Variants in ENPEP observed in about 807,000 individuals in gnomAD.
The protein encoded by ENPEP is AP-A.
ENPEP carries 103 observed loss-of-function variants against 114.5 expected under a neutral mutation model. That is an observed-to-expected ratio of 0.90 (90% CI 0.77 to 1.06). The LOEUF (loss-of-function observed/expected upper bound fraction) is 1.06. Among genes scored for constraint, ENPEP ranks in the 50% least tolerant of loss-of-function variants. ENPEP has a pLI of 0.00. For synonymous variants in ENPEP, 420 were observed against 422.0 expected (o/e 1.00, Z 0.06); for missense variants, 1,196 against 1,161.3 (o/e 1.03, Z -0.43).
intron 8 of ENPEP, among the ~76,000 whole-genome samples, chr4:110,517,760 C>G (rs1023082434): frequency 2.0e-5 from 3 of 152,158 alleles, no homozygotes; most frequent in African/African-American, 7.2e-5. Flanking sequence ...CATTATAGTG[C>G]TATGGAATGA....
At chr4:110,558,874 T>C (rs898304756) in intron 18 of ENPEP, among the ~76,000 whole-genome samples, 20 of 152,198 alleles carry the variant, frequency 1.3e-4, no homozygotes, top group African/African-American at 4.8e-4. Flanking sequence ...TTTCTCTGCT[T>C]AGGCAGACTG....
chr4:110,552,885 G>A (rs1240859346), intron 17 of ENPEP, among the ~76,000 whole-genome samples: 1 of 152,026 alleles, frequency 6.6e-6, no homozygotes, highest in Non-Finnish European at 1.5e-5. Context: ...TAGAATATAA[G>A]AGCATAGATA....
chr4:110,529,547 T>C (rs1726323455), intron 10 of ENPEP, among the ~76,000 whole-genome samples: 1 of 152,156 alleles, frequency 6.6e-6, no homozygotes, highest in Non-Finnish European at 1.5e-5. Context: ...GACTTAGTCC[T>C]GCAGGAAAGT....
intron 13 of ENPEP, among the ~76,000 whole-genome samples, chr4:110,546,516 C>G (rs901209848): frequency 6.6e-6 from 1 of 151,882 alleles, no homozygotes; most frequent in Non-Finnish European, 1.5e-5. Flanking sequence ...GCAAAGAGAA[C>G]AGCTGAAAGG....
chr4:110,561,728 T>G lies in ENPEP; in HGVS notation c.*170T>G. ...CCTTTAAATTGTTCCTCTTTGTTTA[T>G]GAAGAAAGATACTAATAGAGTACTT... On this transcript the variant is annotated 3_prime_UTR_variant, in exon 20 of 20. Coordinates refer to ENST00000265162, the MANE Select transcript of ENPEP (RefSeq NM_001977.4). The G allele has an allele frequency of 1.6e-6, 1 of 611,916 alleles. No homozygotes were observed. Among genetic ancestry groups the G allele is most frequent in the East Asian group, 2.9e-5 (1 of 34,228 alleles). The allele number at this position is 611,916 out of a possible 1,614,324, so 37.9% of individuals were successfully genotyped here.
chr4:110,543,109 TG>T, intron 13 of ENPEP, 39 bp downstream of exon 13: 1 of 1,557,492 alleles, frequency 6.4e-7, no homozygotes, highest in South Asian at 1.1e-5. Context: ...TAAAATACTG[TG>T]GGTTTTCTCA....
chr4:110,521,642 G>A (rs1439463252), intron 10 of ENPEP, among the ~76,000 whole-genome samples: 1 of 151,988 alleles, frequency 6.6e-6, no homozygotes, highest in African/African-American at 2.4e-5. Flanking sequence ...TGCATTCAGA[G>A]ATGAAGAACT....
At chr4:110,494,249 A>T (rs532432528) in intron 3 of ENPEP, among the ~76,000 whole-genome samples, 23 of 152,134 alleles carry the variant, frequency 1.5e-4, no homozygotes, top group Non-Finnish European at 3.4e-4. Context: ...TCCGATCCTT[A>T]TGTCTTGTTC....
intron 6 of ENPEP, 67 bp from the exon 7 acceptor site, chr4:110,513,348 G>T: frequency 6.7e-7 from 1 of 1,491,030 alleles, no homozygotes; most frequent in Middle Eastern, 1.8e-4. Context: ...TCTTATATAT[G>T]GTATTTTAGT....
intron 18 of ENPEP, among the ~76,000 whole-genome samples, chr4:110,556,088 C>A (rs1222135179): frequency 3.3e-5 from 5 of 151,988 alleles, no homozygotes. Flanking sequence ...TAGAAGGTCA[C>A]TGAAAACATT....
chr4:110,556,085 TC>T (rs1727457596), intron 18 of ENPEP, among the ~76,000 whole-genome samples: 1 of 152,046 alleles, frequency 6.6e-6, no homozygotes, highest in Non-Finnish European at 1.5e-5. Flanking sequence ...TTATAGAAGG[TC>T]ACTGAAAACA....
At position 110,505,280 on chromosome 4, in the gene ENPEP, C is replaced by T. The variant is rs1437694851; in HGVS notation, c.919-1357C>T. ...GTTTCACTTTTTGATTGCTTAACAA[C>T]TATTAGAGAAAATGTATCATCACTT... On this transcript the variant is annotated intron_variant, in intron 3 of 19. Transcript: ENST00000265162. Among the ~76,000 whole-genome samples, 4 of 151,748 alleles carry T rather than the reference C, an allele frequency of 2.6e-5. No individual in the cohort carries two copies. In the East Asian group the frequency reaches 7.7e-4, roughly 29 times the overall value.
At chr4:110,497,208 A>G (rs1724978579) in intron 3 of ENPEP, among the ~76,000 whole-genome samples, 1 of 152,136 alleles carries the variant, frequency 6.6e-6, no homozygotes, top group South Asian at 2.1e-4. Context: ...ATTATTTTTG[A>G]CATATGGTCA....
At chr4:110,506,614 A>G in intron 3 of ENPEP, 23 bp from the exon 4 acceptor site, 1 of 1,575,798 alleles carries the variant, frequency 6.3e-7, no homozygotes, top group Non-Finnish European at 8.6e-7. Flanking sequence ...TTTTCACTGA[A>G]TTTTTTGTGT....
chr4:110,557,497 T>G (rs1727521543), intron 18 of ENPEP, among the ~76,000 whole-genome samples: 1 of 152,204 alleles, frequency 6.6e-6, no homozygotes, highest in South Asian at 2.1e-4. Flanking sequence ...AATGCTGGTC[T>G]GGAAGCAGCA....
chr4:110,500,970 A>G (rs934755267), intron 3 of ENPEP, among the ~76,000 whole-genome samples: 1 of 152,170 alleles, frequency 6.6e-6, no homozygotes, highest in African/African-American at 2.4e-5. Flanking sequence ...GAGTGAAGGC[A>G]TCAGCACAAG....
intron 10 of ENPEP, 129 bp downstream of exon 10, chr4:110,520,495 G>T: frequency 1.0e-6 from 1 of 954,910 alleles, no homozygotes; most frequent in Non-Finnish European, 1.6e-6. Context: ...TGCCTTTAGG[G>T]GAACAAGGAA....
In ENPEP at chr4:110,488,635, A is replaced by G. The variant is rs757702157; in HGVS notation, c.739A>G (p.Ile247Val). The G allele has an allele frequency of 1.7e-5, 27 of 1,613,462 alleles. No individual in the cohort carries two copies. The highest frequency in any genetic ancestry group is 2.1e-5 in the Non-Finnish European group (25 of 1,179,886). ...PNKKATYTIS[I>V]THPKEYGALS... ...CAAAAAGGCAACTTATACAATATCTATCACCCATCCCAAAGAATACGGAGC... is the reference window on the plus strand; with the variant it reads ...CAAAAAGGCAACTTATACAATATCTGTCACCCATCCCAAAGAATACGGAGC... Residue 247 changes from isoleucine to valine, a missense_variant, in exon 2 of 20, where the codon ATC (isoleucine) becomes GTC (valine). Ile to Val is a conservative substitution (Grantham distance 29). Coordinates refer to ENST00000265162, the MANE Select transcript of ENPEP (RefSeq NM_001977.4).
chr4:110,499,581 G>A (rs1176529686), intron 3 of ENPEP, among the ~76,000 whole-genome samples: 2 of 152,126 alleles, frequency 1.3e-5, no homozygotes, highest in Non-Finnish European at 2.9e-5. Context: ...ATTTGTGAAA[G>A]GTAATGTAGT....
Sources: gnomAD v4.1 joint callset for allele counts (sites outside exome capture counted in the v4.1 genomes callset) on GRCh38, gnomAD v4.1.1 for gene constraint, MANE v1.5 for transcripts, NCBI Gene and HGNC (gene_info 2026-07-23, HGNC 2026-07-21) for gene names.